The following DNAJC6 variants were observed in gnomAD, a reference collection of about 807,000 sequenced individuals.
DNAJC6 encodes the protein DnaJ heat shock protein family (Hsp40) member C6, also known as auxilin.
Under a neutral mutation model 110.0 loss-of-function variants are expected in DNAJC6, and 34 were observed. The ratio of observed to expected loss-of-function variants is 0.31; its 90% confidence interval spans 0.24 to 0.41. The LOEUF is 0.41. DNAJC6 is among the 10% of genes least tolerant of loss of function. The probability of loss-of-function intolerance (pLI) is 1.00; values close to 1 mark genes in which losing one functional copy is unlikely to be tolerated. For synonymous variants in DNAJC6, 406 were observed against 437.2 expected (o/e 0.93, Z 0.89); for missense variants, 1,031 against 1,207.8 (o/e 0.85, Z 2.17).
intron 4 of DNAJC6, among the ~76,000 whole-genome samples, chr1:65,377,190 A>T (rs1321334904): frequency 6.6e-6 from 1 of 152,256 alleles, no homozygotes; most frequent in Non-Finnish European, 1.5e-5. Flanking sequence ...AGTAAATGTC[A>T]ATAAGGCCTA....
Position 65,287,676 on chromosome 1 carries a change from T to C in DNAJC6, c.-131+22744T>C, listed in dbSNP as rs572223613. Among the ~76,000 whole-genome samples, 3 of 152,294 alleles carry C rather than the reference T, an allele frequency of 2.0e-5. No homozygotes were observed. In the South Asian group the frequency reaches 6.2e-4, roughly 32 times the overall value. On this transcript the variant is annotated intron_variant, in intron 1 of 19. Transcript: ENST00000263441. ...GAGTACAGTGGCGCACAATCAGGGC[T>C]CACTGCAGCCGTGACCTCCTGGGCT...
At chr1:65,269,321 T>C (rs545605569) in intron 1 of DNAJC6, among the ~76,000 whole-genome samples, 29 of 150,184 alleles carry the variant, frequency 1.9e-4, no homozygotes, top group African/African-American at 7.1e-4. Context: ...TGAGCCGAGA[T>C]AGCAAGACTG....
chr1:65,283,392 C>T (rs1207841665), intron 1 of DNAJC6, among the ~76,000 whole-genome samples: 1 of 152,164 alleles, frequency 6.6e-6, no homozygotes, highest in Non-Finnish European at 1.5e-5. Flanking sequence ...GAAATGAAAC[C>T]ATGAAGGTAT....
chr1:65,392,441 G>T lies in DNAJC6; in HGVS notation c.1479G>T (p.Ser493=). ...ACTGGCCTTCCTCAGATCAGAAATC[G>T]GAGAAGTCATTCTGTGAGGAGGACC... ...FASLCWQDQK[S]EKSFCEEDHA... is the part of the protein sequence containing the mutation. Residue 493 remains serine, a synonymous_variant, in exon 12 of 19, where the codon TCG becomes TCT. Transcript: ENST00000371069. The T allele has an allele frequency of 6.3e-7, 1 of 1,596,514 alleles. No homozygotes were observed. The highest frequency in any genetic ancestry group is 8.5e-7 in the Non-Finnish European group (1 of 1,170,488).
intron 1 of DNAJC6, among the ~76,000 whole-genome samples, chr1:65,359,197 A>T (rs1395226389): frequency 6.6e-6 from 1 of 152,236 alleles, no homozygotes; most frequent in African/African-American, 2.4e-5. Flanking sequence ...GAAGCTCGAT[A>T]CAAATAAATG....
chr1:65,329,830 TG>T (rs1406254080), intron 1 of DNAJC6, among the ~76,000 whole-genome samples: 2 of 152,186 alleles, frequency 1.3e-5, no homozygotes, highest in Non-Finnish European at 2.9e-5. Context: ...ATTCTATTGC[TG>T]GACAAGAAAC....
At chr1:65,328,824 C>T (rs1355034383) in intron 1 of DNAJC6, among the ~76,000 whole-genome samples, 3 of 152,164 alleles carry the variant, frequency 2.0e-5, no homozygotes, top group Non-Finnish European at 2.9e-5. Context: ...TAATTCTCCA[C>T]CCTCCTCCAA....
intron 4 of DNAJC6, among the ~76,000 whole-genome samples, chr1:65,368,330 C>T (rs948737133): frequency 2.7e-5 from 4 of 150,096 alleles, no homozygotes; most frequent in African/African-American, 7.4e-5. Flanking sequence ...ATCTGCTCCT[C>T]TAACTTCATC....
intron 1 of DNAJC6, among the ~76,000 whole-genome samples, chr1:65,291,121 C>T (rs1357996874): frequency 6.6e-6 from 1 of 152,218 alleles, no homozygotes; most frequent in Non-Finnish European, 1.5e-5. Context: ...CAACGACCGC[C>T]TCCTGGGTTC....
In DNAJC6 at chr1:65,364,610, G is replaced by GTTTTTTTTTTTTTTTT. The variant is rs753560538; in HGVS notation, c.194-22_194-21insTTTTTTTTTTTTTTTT. The GTTTTTTTTTTTTTTTT allele has an allele frequency of 2.1e-6, 3 of 1,441,978 alleles. 1 individual carries two copies. The highest frequency in any genetic ancestry group is 5.2e-5 in the East Asian group (2 of 38,626). The allele number at this position is 1,441,978 out of a possible 1,614,324, so 89.3% of individuals were successfully genotyped here. On this transcript the variant is annotated intron_variant, in intron 1 of 18. Coordinates refer to ENST00000371069, the MANE Select transcript of DNAJC6 (RefSeq NM_001256864.2). ...TTCTCTGCCATCACCATTTTTGTTT[G>GTTTTTTTTTTTTTTTT]TTTGTTTTTTTTTTTTTTTGGCAGG... is the stretch of plus-strand genomic sequence containing the variant.
intron 13 of DNAJC6, among the ~76,000 whole-genome samples, chr1:65,398,270 C>A (rs1645998072): frequency 6.6e-6 from 1 of 152,102 alleles, no homozygotes; most frequent in African/African-American, 2.4e-5. Flanking sequence ...AGCCAGTGCC[C>A]AGTACATGTT....
chr1:65,265,892 C>G (rs1570184673), intron 1 of DNAJC6, among the ~76,000 whole-genome samples: 2 of 152,152 alleles, frequency 1.3e-5, no homozygotes, highest in Admixed American at 1.3e-4. Context: ...GCCCCTGCTT[C>G]CGGAACGCTA....
intron 1 of DNAJC6, among the ~76,000 whole-genome samples, chr1:65,288,513 T>A (rs1654093763): frequency 6.6e-6 from 1 of 152,188 alleles, no homozygotes; most frequent in Non-Finnish European, 1.5e-5. Context: ...CATAATGATT[T>A]GTGAGTGTGT....
At chr1:65,302,310 T>A (rs1250315645) in intron 1 of DNAJC6, among the ~76,000 whole-genome samples, 1 of 132,070 alleles carries the variant, frequency 7.6e-6, no homozygotes, top group African/African-American at 2.8e-5. Context: ...AATATATATG[T>A]TACAGTATAA....
chr1:65,379,782 A>G (rs1645800848), intron 5 of DNAJC6: 2 of 312,860 alleles, frequency 6.4e-6, no homozygotes, highest in Non-Finnish European at 5.7e-6. Flanking sequence ...AGTATTATAA[A>G]GGAGGTAGAA....
At chr1:65,284,939 C>T (rs1423327253) in intron 1 of DNAJC6, among the ~76,000 whole-genome samples, 1 of 152,154 alleles carries the variant, frequency 6.6e-6, no homozygotes, top group Non-Finnish European at 1.5e-5. Flanking sequence ...CCGCCCACCT[C>T]AGCCTCCCAA....
At chr1:65,388,483 A>T in intron 9 of DNAJC6, 68 bp downstream of exon 9, 1 of 1,415,232 alleles carries the variant, frequency 7.1e-7, no homozygotes, top group Non-Finnish European at 1.0e-6. Flanking sequence ...GCTCAATGGC[A>T]CCAGGCTGTA....
chr1:65,301,704 A>G (rs1644980292), intron 1 of DNAJC6, among the ~76,000 whole-genome samples: 1 of 152,144 alleles, frequency 6.6e-6, no homozygotes, highest in Non-Finnish European at 1.5e-5. Context: ...AGCTATCTGG[A>G]AGGTCCCCAA....
intron 1 of DNAJC6, among the ~76,000 whole-genome samples, chr1:65,356,675 G>A (rs968072581): frequency 2.0e-5 from 3 of 151,800 alleles, no homozygotes; most frequent in East Asian, 1.9e-4. Flanking sequence ...AATGTCATGC[G>A]TGTTATTATT....
Sources: allele counts gnomAD v4.1 joint callset (sites outside exome capture counted in the v4.1 genomes callset), GRCh38; gene constraint gnomAD v4.1.1; transcripts MANE v1.5; gene names NCBI Gene and HGNC (gene_info 2026-07-23, HGNC 2026-07-21).